The following KCNQ3 variants were observed in gnomAD, a reference collection of about 807,000 sequenced individuals.
KCNQ3 encodes potassium voltage-gated channel subfamily Q member 3, also known as potassium voltage-gated channel subfamily KQT member 3.
In KCNQ3, 30 loss-of-function variants were observed where a neutral mutation model predicts 92.5. That is an observed-to-expected ratio of 0.32 (90% CI 0.24 to 0.44). The LOEUF (loss-of-function observed/expected upper bound fraction) is 0.44. KCNQ3 is among the 20% of genes least tolerant of loss of function. KCNQ3 has a pLI of 1.00. For missense variants in KCNQ3, 913 were observed against 1,140.3 expected, an observed-to-expected ratio of 0.80 and a Z score of 2.87; for synonymous variants, 450 against 468.8, an observed-to-expected ratio of 0.96 and a Z score of 0.52.
Position 132,124,582 on chromosome 8 carries a change from T to C in KCNQ3, c.*4680A>G, listed in dbSNP as rs1282383423. On this transcript the variant is annotated 3_prime_UTR_variant, in exon 15 of 15. Transcript: ENST00000388996. ...CTATGCAGATAGCCTGGTCCTAACA[T>C]GTTCTAAACTGGGCATTAGTGAGGG... 6.6e-6 allele frequency: 1 copy of C among 152,238 alleles called. No individual in the cohort carries two copies. Among genetic ancestry groups the C allele is most frequent in the Non-Finnish European group, 1.5e-5 (1 of 68,048 alleles). 9.4% of individuals were successfully genotyped at this position (152,238 alleles called of 1,614,324 possible).
intron 1 of KCNQ3, among the ~76,000 whole-genome samples, chr8:132,210,292 T>C (rs1813809027): frequency 6.6e-6 from 1 of 152,204 alleles, no homozygotes; most frequent in East Asian, 1.9e-4. Flanking sequence ...GGAGTCTGAC[T>C]GTGTGGATGT....
At chr8:132,187,720 A>ATAGTGATGATGGTGG (rs1563795448) in intron 1 of KCNQ3, among the ~76,000 whole-genome samples, 6 of 120,766 alleles carry the variant, frequency 5.0e-5, no homozygotes, top group Non-Finnish European at 8.8e-5. Flanking sequence ...GGTGGTGGTG[A>ATAGTGATGATGGTGG]TGGTGGTGAT....
At chr8:132,458,423 C>T (rs1821991233) in intron 1 of KCNQ3, among the ~76,000 whole-genome samples, 1 of 152,230 alleles carries the variant, frequency 6.6e-6, no homozygotes, top group South Asian at 2.1e-4. Flanking sequence ...CGCCAATCAA[C>T]TTTTTAAAAT....
In KCNQ3 at chr8:132,134,343, G is replaced by A; in HGVS notation, c.1746C>T (p.His582=). The change falls in exon 13 of 15, where the codon CAC becomes CAT. Residue 582 remains histidine, a synonymous_variant. Coordinates refer to ENST00000388996, the MANE Select transcript of KCNQ3 (RefSeq NM_004519.4). ...ATGCTGACCCTTTCTGAGACTTCTT[G>A]TGTTTTGGCGTGGAGGGAGGTCCAG... ...FTPGPPSTPK[H]KKSQKGSAFT... 1 of 1,614,028 alleles carries A rather than the reference G, an allele frequency of 6.2e-7. No homozygotes were observed. The highest frequency in any genetic ancestry group is 1.1e-5 in the South Asian group (1 of 91,078).
chr8:132,456,348 T>C (rs1180990928), intron 1 of KCNQ3, among the ~76,000 whole-genome samples: 1 of 152,166 alleles, frequency 6.6e-6, no homozygotes, highest in East Asian at 1.9e-4. Context: ...ATTTCCAAAG[T>C]CAGCATTTCC....
intron 12 of KCNQ3, among the ~76,000 whole-genome samples, chr8:132,136,417 CA>C (rs1298178109): frequency 6.6e-6 from 1 of 151,872 alleles, no homozygotes; most frequent in Non-Finnish European, 1.5e-5. Context: ...AATGCTTTTT[CA>C]AAGGGCATTT....
At chr8:132,226,179 C>A (rs1031710561) in intron 1 of KCNQ3, among the ~76,000 whole-genome samples, 2 of 151,218 alleles carry the variant, frequency 1.3e-5, no homozygotes, top group African/African-American at 4.9e-5. Flanking sequence ...GCTGAGGCAG[C>A]AGAATGGCGT....
intron 1 of KCNQ3, among the ~76,000 whole-genome samples, chr8:132,256,261 A>C (rs1407544665): frequency 6.6e-6 from 1 of 152,180 alleles, no homozygotes; most frequent in Admixed American, 6.5e-5. Context: ...TGGAAGAATA[A>C]AAATAAGCCA....
chr8:132,303,565 G>GACATATATATATATAT (rs1554642779), intron 1 of KCNQ3, among the ~76,000 whole-genome samples: 1 of 42,566 alleles, frequency 2.3e-5, no homozygotes, highest in Non-Finnish European at 4.3e-5. Flanking sequence ...AAGAAAATGT[G>GACATATATATATATAT]ATATATATAT....
intron 9 of KCNQ3, among the ~76,000 whole-genome samples, chr8:132,158,345 G>A (rs1180900605): frequency 6.6e-6 from 1 of 152,200 alleles, no homozygotes; most frequent in African/African-American, 2.4e-5. Flanking sequence ...GACTCTGTGA[G>A]ATAAATTTCA....
chr8:132,231,586 G>T (rs1814650070), intron 1 of KCNQ3, among the ~76,000 whole-genome samples: 1 of 152,174 alleles, frequency 6.6e-6, no homozygotes, highest in African/African-American at 2.4e-5. Context: ...ACAGAAGAAA[G>T]GGTATATGAG....
chr8:132,390,851 T>C (rs1393651656), intron 1 of KCNQ3, among the ~76,000 whole-genome samples: 1 of 152,232 alleles, frequency 6.6e-6, no homozygotes, highest in African/African-American at 2.4e-5. Context: ...ACATTTCGTT[T>C]CTTAAATAAG....
At chr8:132,224,722 C>A (rs1240201846) in intron 1 of KCNQ3, among the ~76,000 whole-genome samples, 2 of 151,194 alleles carry the variant, frequency 1.3e-5, no homozygotes, top group East Asian at 3.9e-4. Context: ...ATTTTCTAGT[C>A]CATATTCAAC....
At chr8:132,299,967 C>G (rs1254789793) in intron 1 of KCNQ3, among the ~76,000 whole-genome samples, 1 of 152,208 alleles carries the variant, frequency 6.6e-6, no homozygotes, top group Non-Finnish European at 1.5e-5. Context: ...CCCTGGACAT[C>G]TTTCTATTTC....
At chr8:132,136,985 C>G (rs1825121068) in intron 12 of KCNQ3, among the ~76,000 whole-genome samples, 1 of 150,632 alleles carries the variant, frequency 6.6e-6, no homozygotes, top group African/African-American at 2.5e-5. Flanking sequence ...CCGTCTCAGC[C>G]TCCCAAGTAG....
intron 9 of KCNQ3, among the ~76,000 whole-genome samples, chr8:132,142,301 G>A (rs1376826868): frequency 6.6e-6 from 1 of 152,170 alleles, no homozygotes; most frequent in Non-Finnish European, 1.5e-5. Flanking sequence ...GTTGCACCTT[G>A]ACTTAAGCCC....
At chr8:132,303,173 G>A (rs2130588723) in intron 1 of KCNQ3, among the ~76,000 whole-genome samples, 1 of 152,210 alleles carries the variant, frequency 6.6e-6, no homozygotes, top group South Asian at 2.1e-4. Flanking sequence ...GGCAATGAAG[G>A]AGATTGGCAC....
chr8:132,475,588 T>C (rs1563924056), intron 1 of KCNQ3, among the ~76,000 whole-genome samples: 1 of 152,206 alleles, frequency 6.6e-6, no homozygotes, highest in Non-Finnish European at 1.5e-5. Context: ...TTAGGGTATC[T>C]GGTGGAAGAA....
intron 1 of KCNQ3, among the ~76,000 whole-genome samples, chr8:132,382,327 A>T (rs1301512215): frequency 6.6e-6 from 1 of 152,140 alleles, no homozygotes; most frequent in Non-Finnish European, 1.5e-5. Flanking sequence ...CCACTCTATC[A>T]GTTCATGTGA....
Sources: allele counts gnomAD v4.1 joint callset (sites outside exome capture counted in the v4.1 genomes callset), GRCh38; gene constraint gnomAD v4.1.1; transcripts MANE v1.5; gene names NCBI Gene and HGNC (gene_info 2026-07-23, HGNC 2026-07-21).